Variants in SOD2 observed in about 807,000 individuals in gnomAD.
SOD2 encodes the protein superoxide dismutase 2.
In SOD2, 11 loss-of-function variants were observed where a neutral mutation model predicts 27.0. The observed-to-expected ratio is 0.41, with a 90% CI of 0.26 to 0.67. The LOEUF is 0.67. SOD2 is among the 30% of genes least tolerant of loss of function. The pLI, the probability that SOD2 is intolerant of heterozygous loss-of-function variation, is 0.34. For missense variants in SOD2, 250 were observed against 274.5 expected, an observed-to-expected ratio of 0.91 and a Z score of 0.63; for synonymous variants, 105 against 103.0, an observed-to-expected ratio of 1.02 and a Z score of -0.12.
chr6:159,692,714 T>G lies in SOD2; in HGVS notation c.173A>C (p.Tyr58Ser), dbSNP rs755480422. The G allele has an allele frequency of 6.2e-7, 1 of 1,614,154 alleles. No homozygotes were observed. Among genetic ancestry groups the G allele is most frequent in the East Asian group, 2.2e-5 (1 of 44,860 alleles). ...QLHHSKHHAA[Y>S]VNNLNVTEEK... ...CTCGGTGACGTTCAGGTTGTTCACG[T>G]AGGCCGCGTGGTGCTTGCTGTGGTG... Residue 58 changes from tyrosine (Y) to serine (S), a missense_variant, in exon 2 of 5, where the codon TAC (tyrosine) becomes TCC (serine). By Grantham distance (144) the Tyr-to-Ser change is moderately radical. Transcript: ENST00000538183.
At chr6:159,690,696 GTTT>G (rs1780419812) in intron 2 of SOD2, among the ~76,000 whole-genome samples, 1 of 151,728 alleles carries the variant, frequency 6.6e-6, no homozygotes, top group South Asian at 2.1e-4. Flanking sequence ...CTTTTCTATT[GTTT>G]TTTAATAAAT....
At chr6:159,714,046 C>A (rs1253790426) in intron 1 of SOD2, 10 of 635,952 alleles carry the variant, frequency 1.6e-5, no homozygotes, top group Non-Finnish European at 2.8e-5. Context: ...GTGTAGTGGG[C>A]AATTATCCTC....
At chr6:159,719,475 C>G (rs565890655) in intron 1 of SOD2, among the ~76,000 whole-genome samples, 1 of 151,912 alleles carries the variant, frequency 6.6e-6, no homozygotes, top group African/African-American at 2.4e-5. Context: ...TTGCAGTGAG[C>G]CGAGATCGGG....
At chr6:159,716,510 A>C (rs1254863199) in intron 1 of SOD2, among the ~76,000 whole-genome samples, 1 of 152,172 alleles carries the variant, frequency 6.6e-6, no homozygotes, top group Non-Finnish European at 1.5e-5. Flanking sequence ...TTTTCTCAGA[A>C]GCCCCGAGAG....
At chr6:159,720,141 C>T (rs1017523664) in intron 1 of SOD2, among the ~76,000 whole-genome samples, 1 of 151,940 alleles carries the variant, frequency 6.6e-6, no homozygotes, top group Non-Finnish European at 1.5e-5. Flanking sequence ...AGCGAATCTC[C>T]TGTCTCATCC....
At chr6:159,758,224 C>T (rs1474475760) in intron 1 of SOD2, among the ~76,000 whole-genome samples, 2 of 151,496 alleles carry the variant, frequency 1.3e-5, no homozygotes, top group African/African-American at 4.9e-5. Context: ...CCTGTAAGAG[C>T]ACTCACTGCT....
chr6:159,738,034 G>C (rs1779028060), intron 1 of SOD2, among the ~76,000 whole-genome samples: 1 of 152,080 alleles, frequency 6.6e-6, no homozygotes, highest in Non-Finnish European at 1.5e-5. Flanking sequence ...TCTAATAACT[G>C]TGAAAATCAG....
upstream of SOD2, chr6:159,727,401 G>GAGGCGGGAGGCAGT: frequency 1.7e-6 from 2 of 1,208,308 alleles, no homozygotes; most frequent in Non-Finnish European, 2.1e-6. Context: ...CGGGAGGCGG[G>GAGGCGGGAGGCAGT]AGGCAGTGGC....
chr6:159,702,070 A>G (rs1777531384), intron 1 of SOD2, among the ~76,000 whole-genome samples: 1 of 152,206 alleles, frequency 6.6e-6, no homozygotes, highest in East Asian at 1.9e-4. Context: ...GGCATAAAAT[A>G]TGGATGCCCC....
At chr6:159,723,129 AC>A (rs551492529) in intron 1 of SOD2, among the ~76,000 whole-genome samples, 16 of 152,174 alleles carry the variant, frequency 1.1e-4, no homozygotes, top group Non-Finnish European at 2.2e-4. Flanking sequence ...CTCTGCTAAA[AC>A]ATAAGGGATG....
At chr6:159,755,494 C>T (rs199528539) in intron 1 of SOD2, 43 of 1,614,026 alleles carry the variant, frequency 2.7e-5, no homozygotes, top group South Asian at 7.7e-5. Context: ...ACACAGACTC[C>T]AGTCATGACC....
rs151192082 is a variant in SOD2 at position 159,701,865 on chromosome 6, C to T, written c.-115-9002G>A. Among the ~76,000 whole-genome samples the T allele has an allele frequency of 4.9e-3, 749 of 152,228 alleles. 6 individuals carry two copies. The highest frequency in any genetic ancestry group is 8.6e-3 in the Non-Finnish European group (585 of 68,012). ...TTTCAGTGGGGATTTTAGGAGAGAACCTGTGCTCATTCCCCTTCTTGCCAG... is the reference window on the plus strand; with the variant it reads ...TTTCAGTGGGGATTTTAGGAGAGAATCTGTGCTCATTCCCCTTCTTGCCAG... On this transcript the variant is annotated intron_variant, in intron 1 of 2. Transcript: ENST00000401980.
At chr6:159,705,473 T>G (rs538809453) in intron 1 of SOD2, among the ~76,000 whole-genome samples, 1 of 152,182 alleles carries the variant, frequency 6.6e-6, no homozygotes, top group Non-Finnish European at 1.5e-5. Context: ...ACGTGACGAA[T>G]GCACAAGCTT....
At chr6:159,705,780 C>A (rs1270812674) in intron 1 of SOD2, among the ~76,000 whole-genome samples, 2 of 152,210 alleles carry the variant, frequency 1.3e-5, no homozygotes, top group South Asian at 2.1e-4. Flanking sequence ...CACAAAGATA[C>A]TCCTCAAGAA....
Position 159,672,873 on chromosome 6 carries a change from A to G in SOD2, c.*9620T>C, listed in dbSNP as rs1173622185. On this transcript the variant is annotated 3_prime_UTR_variant, in exon 5 of 5. Coordinates refer to ENST00000538183, the MANE Select transcript of SOD2 (RefSeq NM_000636.4). The stretch of plus-strand genomic sequence containing the variant: ...ATCTCACGTACAGAGACACACACAC[A>G]TAGGCTCAAAATAAAAGGATGGAGG... The G allele has an allele frequency of 2.0e-5, 3 of 152,094 alleles. No homozygotes were observed. The highest frequency in any genetic ancestry group is 7.2e-5 in the African/African-American group (3 of 41,402). The allele number at this position is 152,094 out of a possible 1,614,324, so 9.4% of individuals were successfully genotyped here.
intron 2 of SOD2, among the ~76,000 whole-genome samples, chr6:159,688,868 T>C (rs1447873039): frequency 2.0e-5 from 3 of 152,080 alleles, no homozygotes; most frequent in Admixed American, 2.0e-4. Context: ...ACATCCAATC[T>C]ATATAAAAGC....
upstream of SOD2, among the ~76,000 whole-genome samples, chr6:159,697,818 CA>C (rs1777450849): frequency 6.6e-6 from 1 of 152,248 alleles, no homozygotes; most frequent in Non-Finnish European, 1.5e-5. Flanking sequence ...GATGCAGTGT[CA>C]GGGGTGCTGG....
chr6:159,726,792 AGACTGCGCCTCAC>A, intron 1 of SOD2: 1 of 1,289,190 alleles, frequency 7.8e-7, no homozygotes, highest in Non-Finnish European at 1.0e-6. Flanking sequence ...AGCGGCCAGG[AGACTGCGCCTCAC>A]GACTGATGAG....
At chr6:159,727,038 C>T (rs1035960474) in intron 1 of SOD2, 1 of 1,226,522 alleles carries the variant, frequency 8.2e-7, no homozygotes, top group Non-Finnish European at 1.0e-6. Flanking sequence ...CAGGTGGCCC[C>T]GGCGAGTACT....
Sources: allele counts gnomAD v4.1 joint callset (sites outside exome capture counted in the v4.1 genomes callset), GRCh38; gene constraint gnomAD v4.1.1; transcripts MANE v1.5; gene names NCBI Gene and HGNC (gene_info 2026-07-23, HGNC 2026-07-21).